Variants in HMCN1 observed in about 807,000 individuals in gnomAD.
HMCN1 encodes hemicentin-1.
In HMCN1, 321 loss-of-function variants were observed where a neutral mutation model predicts 625.9. That is an observed-to-expected ratio of 0.51 (90% CI 0.47 to 0.56). The LOEUF (loss-of-function observed/expected upper bound fraction) is 0.56, where lower values mean the gene tolerates loss of function less well. Among genes scored for constraint, HMCN1 ranks in the 20% least tolerant of loss-of-function variants. The probability of loss-of-function intolerance (pLI) is 0.00; values close to 1 mark genes in which losing one functional copy is unlikely to be tolerated. For missense variants in HMCN1, 6,588 were observed against 6,887.3 expected, an observed-to-expected ratio of 0.96 and a Z score of 1.54; for synonymous variants, 2,425 against 2,417.6, an observed-to-expected ratio of 1.00 and a Z score of -0.09.
At chr1:185,909,209 C>T (rs141651946) in intron 4 of HMCN1, 128 bp from the exon 5 acceptor site, 12 of 705,506 alleles carry the variant, frequency 1.7e-5, no homozygotes, top group African/African-American at 1.2e-4. Context: ...CAGTAATGAC[C>T]GAAATAAATT....
At chr1:186,053,757 T>C (rs1159214189) in intron 43 of HMCN1, 68 bp from the exon 44 acceptor site, 11 of 1,498,858 alleles carry the variant, frequency 7.3e-6, no homozygotes, top group Non-Finnish European at 9.3e-6. Flanking sequence ...ACAAATGTCA[T>C]ACTTGGCAAT....
chr1:186,040,957 T>C, intron 39 of HMCN1, 56 bp from the exon 40 acceptor site: 1 of 1,592,106 alleles, frequency 6.3e-7, no homozygotes, highest in Non-Finnish European at 8.6e-7. Context: ...AAAAAATCTA[T>C]TACACCTACC....
chr1:185,967,481 A>T (rs1323254879), intron 14 of HMCN1, among the ~76,000 whole-genome samples: 1 of 152,144 alleles, frequency 6.6e-6, no homozygotes, highest in Non-Finnish European at 1.5e-5. Context: ...GAGATAGAAT[A>T]TGGGCATTTG....
intron 4 of HMCN1, among the ~76,000 whole-genome samples, chr1:185,906,755 T>C (rs1666116378): frequency 6.6e-6 from 1 of 150,658 alleles, no homozygotes; most frequent in African/African-American, 2.4e-5. Context: ...TTTTCTAATG[T>C]TTTTTTTTCT....
chr1:186,097,288 C>T (rs1296772730), intron 68 of HMCN1, among the ~76,000 whole-genome samples: 1 of 152,082 alleles, frequency 6.6e-6, no homozygotes. Context: ...TTACTGTCAG[C>T]CCTGCATATC....
At chr1:185,916,515 C>T (rs1666712210) in intron 6 of HMCN1, among the ~76,000 whole-genome samples, 2 of 152,154 alleles carry the variant, frequency 1.3e-5, no homozygotes, top group South Asian at 4.1e-4. Context: ...AATTCTGACA[C>T]AGGTTAATTA....
chr1:185,884,848 G>A (rs1021300764), intron 4 of HMCN1, among the ~76,000 whole-genome samples: 1 of 151,886 alleles, frequency 6.6e-6, no homozygotes, highest in East Asian at 1.9e-4. Flanking sequence ...TGATTATTCT[G>A]AAAAAATGGC....
chr1:185,814,020 C>T (rs546344400), intron 1 of HMCN1, among the ~76,000 whole-genome samples: 1 of 152,240 alleles, frequency 6.6e-6, no homozygotes, highest in East Asian at 1.9e-4. Context: ...GCACGTTTAG[C>T]TTACATATCC....
At chr1:186,095,173 A>G in intron 67 of HMCN1, 70 bp from the exon 68 acceptor site, 2 of 1,438,402 alleles carry the variant, frequency 1.4e-6, no homozygotes, top group Non-Finnish European at 2.0e-6. Flanking sequence ...AATTATTCAA[A>G]TGTTTTAATT....
At position 185,925,079 on chromosome 1, in the gene HMCN1, C is replaced by T. The variant is rs933403027; in HGVS notation, c.1318C>T (p.Pro440Ser). The T allele has an allele frequency of 1.2e-6, 2 of 1,613,460 alleles. No individual in the cohort carries two copies. The highest frequency in any genetic ancestry group is 1.3e-5 in the African/African-American group (1 of 74,786). ...CAAAGTTACGATGCCTGAGAAAACC[C>T]CAGGATACTATCTGCAGCCGGGCCA... ...APKVTMPEKT[P>S]GYYLQPGQIP... The change falls in exon 9 of 107, where the codon CCA becomes TCA. Residue 440 changes from proline to serine, a missense_variant. Transcript: ENST00000271588.
chr1:185,996,985 T>C (rs931538108), intron 24 of HMCN1, among the ~76,000 whole-genome samples: 3 of 152,104 alleles, frequency 2.0e-5, no homozygotes, highest in African/African-American at 7.2e-5. Context: ...AAGGGGAACA[T>C]GTTTGAGAAA....
rs183979721 is a variant in HMCN1 at position 185,983,714 on chromosome 1, G to A, written c.2791-455G>A. ...ATATTTGCATCTGTTACCTAACAAG[G>A]GTGGGTGTTGAGGTTAAGTCCTTCT... On this transcript the variant is annotated intron_variant, in intron 18 of 106. Transcript: ENST00000271588. Among the ~76,000 whole-genome samples the A allele has an allele frequency of 5.3e-5, 8 of 152,238 alleles. No homozygotes were observed. In the East Asian group the frequency reaches 1.5e-3, roughly 29 times the overall value.
chr1:185,909,323 T>C lies in HMCN1; in HGVS notation c.622-14T>C, dbSNP rs745846624. 1 of 1,601,828 alleles carries C rather than the reference T, an allele frequency of 6.2e-7. No individual in the cohort carries two copies. Among genetic ancestry groups the C allele is most frequent in the Non-Finnish European group, 8.6e-7 (1 of 1,169,150 alleles). Reference sequence around the variant, plus strand: ...TTTTCTGATATCACTTACACTTCTCTTTCTCTCTTATAGGTATTAAAATGG... The same window carrying C: ...TTTTCTGATATCACTTACACTTCTCCTTCTCTCTTATAGGTATTAAAATGG... On this transcript the variant is annotated splice_polypyrimidine_tract_variant and intron_variant, in intron 4 of 106. Coordinates refer to ENST00000271588, the MANE Select transcript of HMCN1 (RefSeq NM_031935.3).
chr1:185,784,075 G>A (rs180738767), intron 1 of HMCN1, among the ~76,000 whole-genome samples: 60 of 152,266 alleles, frequency 3.9e-4, no homozygotes, highest in Middle Eastern at 3.4e-3. Context: ...CCCCCGCCTC[G>A]CTGCCACCTT....
intron 42 of HMCN1, among the ~76,000 whole-genome samples, chr1:186,050,552 A>G (rs376486969): frequency 1.3e-5 from 2 of 152,152 alleles, no homozygotes; most frequent in Admixed American, 6.6e-5. Flanking sequence ...AGAAGAAAAC[A>G]ATGAGTAAGT....
intron 81 of HMCN1, 70 bp downstream of exon 81, chr1:186,123,290 C>T: frequency 1.9e-6 from 3 of 1,544,210 alleles, no homozygotes; most frequent in Non-Finnish European, 2.6e-6. Context: ...CTACCAAGAG[C>T]AAATCTGATG....
intron 4 of HMCN1, among the ~76,000 whole-genome samples, chr1:185,901,574 A>G (rs1665809199): frequency 6.6e-6 from 1 of 151,810 alleles, no homozygotes; most frequent in Non-Finnish European, 1.5e-5. Context: ...TAAAATTTGT[A>G]ACGTTCTTCG....
chr1:185,868,655 A>G (rs189188115), intron 4 of HMCN1, among the ~76,000 whole-genome samples: 1 of 152,292 alleles, frequency 6.6e-6, no homozygotes, highest in East Asian at 1.9e-4. Context: ...TCTTTCATTT[A>G]TTAATTACCC....
At position 185,823,168 on chromosome 1, in the gene HMCN1, A is replaced by G. The variant is rs1232369676; in HGVS notation, c.269-22858A>G. Among the ~76,000 whole-genome samples the G allele has an allele frequency of 1.3e-5, 2 of 151,380 alleles. 1 individual carries two copies. The highest frequency in any genetic ancestry group is 2.9e-5 in the Non-Finnish European group (2 of 68,016). ...CATATGGACCCAAATTTATTTCATT[A>G]ACTCCTACTGACTATTAAATGATTT... On this transcript the variant is annotated intron_variant, in intron 1 of 106. Transcript: ENST00000271588.
Sources: allele counts gnomAD v4.1 joint callset (sites outside exome capture counted in the v4.1 genomes callset), GRCh38; gene constraint gnomAD v4.1.1; transcripts MANE v1.5; gene names NCBI Gene and HGNC (gene_info 2026-07-23, HGNC 2026-07-21).